Variants in GKAP1 observed in about 807,000 individuals in gnomAD.
GKAP1 encodes G kinase anchoring protein 1, also known as G kinase-anchoring protein 1.
A neutral mutation model predicts 56.7 loss-of-function variants in GKAP1; 31 were observed. The observed-to-expected ratio is 0.55, with a 90% CI of 0.41 to 0.74. The LOEUF is 0.74. GKAP1 is among the 30% of genes least tolerant of loss of function. The pLI is 0.00. For synonymous variants in GKAP1, 151 were observed against 138.6 expected, an observed-to-expected ratio of 1.09 and a Z score of -0.63; for missense variants, 364 against 402.3, an observed-to-expected ratio of 0.90 and a Z score of 0.82.
intron 7 of GKAP1, among the ~76,000 whole-genome samples, chr9:83,770,367 C>T (rs1943736428): frequency 6.6e-6 from 1 of 152,228 alleles, no homozygotes; most frequent in Non-Finnish European, 1.5e-5. Context: ...CACTCTTCTG[C>T]ATGACAATAT....
At chr9:83,789,344 T>G (rs1266365354) in intron 4 of GKAP1, among the ~76,000 whole-genome samples, 1 of 152,218 alleles carries the variant, frequency 6.6e-6, no homozygotes, top group African/African-American at 2.4e-5. Context: ...TCTACAAGAC[T>G]TACTTTTCCT....
intron 7 of GKAP1, among the ~76,000 whole-genome samples, chr9:83,776,334 G>A (rs964903360): frequency 6.6e-6 from 1 of 152,102 alleles, no homozygotes; most frequent in Non-Finnish European, 1.5e-5. Flanking sequence ...TTCTAGGTGA[G>A]ATTTATTTAA....
At chr9:83,781,380 G>A (rs1170310353) in intron 6 of GKAP1, among the ~76,000 whole-genome samples, 1 of 152,086 alleles carries the variant, frequency 6.6e-6, no homozygotes, top group African/African-American at 2.4e-5. Flanking sequence ...AGTACAAATA[G>A]TGGGCAAGTA....
At chr9:83,752,115 T>C (rs1259029021) in intron 9 of GKAP1, among the ~76,000 whole-genome samples, 1 of 152,036 alleles carries the variant, frequency 6.6e-6, no homozygotes, top group Non-Finnish European at 1.5e-5. Context: ...TTAAAAACAT[T>C]ATGCTAGGCC....
At chr9:83,743,518 C>T (rs965062865) in intron 10 of GKAP1, among the ~76,000 whole-genome samples, 4 of 151,656 alleles carry the variant, frequency 2.6e-5, no homozygotes, top group African/African-American at 9.7e-5. Flanking sequence ...TCACTTCAAC[C>T]CATGAGGCGG....
At chr9:83,747,046 AG>A (rs1256211055) in intron 10 of GKAP1, among the ~76,000 whole-genome samples, 14 of 152,252 alleles carry the variant, frequency 9.2e-5, no homozygotes, top group Non-Finnish European at 2.9e-5. Flanking sequence ...ATTTATTAAC[AG>A]GAAAACTGTT....
chr9:83,812,417 G>A (rs1026671964), intron 2 of GKAP1, among the ~76,000 whole-genome samples: 3 of 149,720 alleles, frequency 2.0e-5, no homozygotes, highest in African/African-American at 7.4e-5. Flanking sequence ...GTGTGATCAC[G>A]GCTCACTGCA....
intron 12 of GKAP1, among the ~76,000 whole-genome samples, chr9:83,741,496 C>A (rs1012538805): frequency 6.6e-6 from 1 of 151,684 alleles, no homozygotes; most frequent in East Asian, 1.9e-4. Flanking sequence ...ATTTTGCAAT[C>A]ACAAAAAAAG....
At chr9:83,788,550 C>T (rs1228749798) in intron 5 of GKAP1, 51 bp downstream of exon 5, 5 of 1,040,992 alleles carry the variant, frequency 4.8e-6, no homozygotes, top group Non-Finnish European at 7.0e-6. Flanking sequence ...TGATTTTAAC[C>T]TCTCACCACT....
At chr9:83,740,363 TTAACA>T (rs367704213) in intron 12 of GKAP1, among the ~76,000 whole-genome samples, 2,889 of 152,108 alleles carry the variant, frequency 0.019, 88 homozygotes, top group African/African-American at 0.066. Context: ...CATAAATATT[TTAACA>T]TAACATAACA....
At chr9:83,793,042 T>C in intron 4 of GKAP1, 1 of 1,237,340 alleles carries the variant, frequency 8.1e-7, no homozygotes, top group Non-Finnish European at 1.1e-6. Flanking sequence ...TTTTTTCTTC[T>C]ATTTAAGCAA....
chr9:83,773,865 T>C (rs539010257), intron 7 of GKAP1, among the ~76,000 whole-genome samples: 31 of 152,302 alleles, frequency 2.0e-4, no homozygotes, highest in African/African-American at 7.5e-4. Flanking sequence ...TGATAGTTCA[T>C]CTCGAAATTC....
intron 6 of GKAP1, among the ~76,000 whole-genome samples, chr9:83,781,965 T>A (rs1291724699): frequency 2.6e-5 from 4 of 151,080 alleles, no homozygotes; most frequent in Non-Finnish European, 5.9e-5. Flanking sequence ...TGCCTCAGCC[T>A]CCCGAGTAGT....
chr9:83,753,295 T>G lies in GKAP1; in HGVS notation c.803A>C (p.Glu268Ala). The change falls in exon 9 of 13, where the codon GAA becomes GCA. Residue 268 changes from glutamate to alanine, a missense_variant. Physicochemically the swap from Glu to Ala is moderately radical, Grantham distance 107. Coordinates refer to ENST00000376371, the MANE Select transcript of GKAP1 (RefSeq NM_025211.4). ...GATTACATTTTTCAGCTTCTGGATT[T>G]CAGCATCTTTCCTTTCAAGCTCTAA... ...LKLELERKDAEIQKLKNVITQ... is the reference protein window; with the variant it reads ...LKLELERKDAAIQKLKNVITQ... The G allele has an allele frequency of 6.2e-7, 1 of 1,611,090 alleles. No individual in the cohort carries two copies. Among genetic ancestry groups the G allele is most frequent in the Non-Finnish European group, 8.5e-7 (1 of 1,177,718 alleles).
At chr9:83,784,548 T>C (rs1336240971) in intron 6 of GKAP1, among the ~76,000 whole-genome samples, 167 bp downstream of exon 6, 1 of 152,216 alleles carries the variant, frequency 6.6e-6, no homozygotes, top group Non-Finnish European at 1.5e-5. Context: ...GGTACTCTGT[T>C]ACAGCAGTAC....
chr9:83,763,374 G>C (rs1943607450), intron 8 of GKAP1, among the ~76,000 whole-genome samples: 1 of 152,158 alleles, frequency 6.6e-6, no homozygotes, highest in South Asian at 2.1e-4. Flanking sequence ...GTATTTGATA[G>C]CACAACAGGG....
chr9:83,799,026 T>A (rs1362030254), intron 4 of GKAP1, among the ~76,000 whole-genome samples, 159 bp downstream of exon 4: 1 of 152,218 alleles, frequency 6.6e-6, no homozygotes, highest in South Asian at 2.1e-4. Flanking sequence ...TGTTTTTCAG[T>A]AGATCAAAAA....
intron 12 of GKAP1, among the ~76,000 whole-genome samples, chr9:83,740,960 C>G (rs375414064): frequency 2.0e-5 from 3 of 152,038 alleles, no homozygotes; most frequent in Admixed American, 6.5e-5. Flanking sequence ...AATATTTATT[C>G]AGAGAAAAAC....
At chr9:83,797,350 T>C (rs1944264712) in intron 4 of GKAP1, among the ~76,000 whole-genome samples, 1 of 152,332 alleles carries the variant, frequency 6.6e-6, no homozygotes, top group East Asian at 1.9e-4. Flanking sequence ...CCCTACATTG[T>C]ATGCTTTCTG....
Sources: allele counts gnomAD v4.1 joint callset (sites outside exome capture counted in the v4.1 genomes callset), GRCh38; gene constraint gnomAD v4.1.1; transcripts MANE v1.5; gene names NCBI Gene and HGNC (gene_info 2026-07-23, HGNC 2026-07-21).